Variants in USH2A observed in about 807,000 individuals in gnomAD.
USH2A encodes the protein Usher syndrome 2A (autosomal recessive, mild).
Under a neutral mutation model 538.9 loss-of-function variants are expected in USH2A, and 443 were observed. The ratio of observed to expected loss-of-function variants is 0.82; its 90% CI spans 0.76 to 0.89. The LOEUF (loss-of-function observed/expected upper bound fraction) is 0.89. USH2A is among the 40% of genes least tolerant of loss of function. The pLI, the probability that USH2A is intolerant of heterozygous loss-of-function variation, is 0.00. For missense variants in USH2A, 6,633 were observed against 6,324.8 expected, an observed-to-expected ratio of 1.05 and a Z score of -1.65; for synonymous variants, 2,413 against 2,273.5, an observed-to-expected ratio of 1.06 and a Z score of -1.75.
chr1:216,362,102 G>T (rs1468173819), intron 4 of USH2A, among the ~76,000 whole-genome samples: 2 of 151,754 alleles, frequency 1.3e-5, no homozygotes, highest in Non-Finnish European at 2.9e-5. Context: ...TTATATTTAT[G>T]CACTATCTTG....
At chr1:215,657,628 C>A (rs1390389644) in intron 64 of USH2A, among the ~76,000 whole-genome samples, 2 of 152,188 alleles carry the variant, frequency 1.3e-5, no homozygotes, top group African/African-American at 4.8e-5. Context: ...TTCCCTTCAT[C>A]TAAAACACTT....
chr1:216,119,826 T>G lies in USH2A; in HGVS notation c.4628-22613A>C, dbSNP rs942630827. ...GGTAGCAGGCAATGTTGATATGCTT[T>G]CTTTCTATGGTGCAATTTCATTCTT... is the stretch of plus-strand genomic sequence containing the variant. On this transcript the variant is annotated intron_variant, in intron 21 of 71. Transcript: ENST00000307340. 4.6e-5 allele frequency among the ~76,000 whole-genome samples: 7 copies of G among 152,226 alleles called. No homozygotes were observed. In the South Asian group the frequency reaches 6.2e-4, roughly 14 times the overall value.
At chr1:216,041,863 A>C (rs2102520894) in intron 32 of USH2A, among the ~76,000 whole-genome samples, 1 of 152,140 alleles carries the variant, frequency 6.6e-6, no homozygotes, top group Admixed American at 6.6e-5. Context: ...TTTGTAAAAT[A>C]ATCAAATATT....
At chr1:215,838,968 T>G (rs190642042) in intron 46 of USH2A, among the ~76,000 whole-genome samples, 153 of 152,332 alleles carry the variant, frequency 1.0e-3, no homozygotes, top group Non-Finnish European at 1.9e-3. Context: ...CGAGCTTTTA[T>G]GTGAAACAGT....
At chr1:216,188,437 G>A (rs565390946) in intron 20 of USH2A, among the ~76,000 whole-genome samples, 1 of 151,728 alleles carries the variant, frequency 6.6e-6, no homozygotes, top group East Asian at 1.9e-4. Context: ...AGACACTATT[G>A]CATATGAGGT....
At chr1:216,042,399 A>C (rs11120726) in intron 32 of USH2A, among the ~76,000 whole-genome samples, 73,451 of 151,474 alleles carry the variant, frequency 0.48, 17,875 homozygotes, top group African/African-American at 0.53. Flanking sequence ...TAAACTCTGT[A>C]TTCCACTTCT....
chr1:215,728,482 C>G, intron 60 of USH2A, 98 bp from the exon 61 acceptor site: 1 of 1,224,340 alleles, frequency 8.2e-7, no homozygotes, highest in African/African-American at 1.5e-5. Context: ...TTGTTATCAA[C>G]TTAACTTTTC....
intron 65 of USH2A, 60 bp downstream of exon 65, chr1:215,650,532 G>C (rs1657023443): frequency 1.3e-6 from 2 of 1,594,818 alleles, no homozygotes; most frequent in East Asian, 2.2e-5. Context: ...AAAAACAAAG[G>C]TTTCATAGTA....
Position 216,073,080 on chromosome 1 carries a change from G to A in USH2A, c.5776+17C>T. The A allele has an allele frequency of 1.2e-6, 2 of 1,613,712 alleles. No individual in the cohort carries two copies. The highest frequency in any genetic ancestry group is 1.7e-6 in the Non-Finnish European group (2 of 1,179,872). ...TAAGAGACATGTAACATTTAATTTAGAGGACCTCCACATTACCTGTAAAAG... is the reference window on the plus strand; with the variant it reads ...TAAGAGACATGTAACATTTAATTTAAAGGACCTCCACATTACCTGTAAAAG... On this transcript the variant is annotated intron_variant, in intron 28 of 71. Coordinates refer to ENST00000307340, the MANE Select transcript of USH2A (RefSeq NM_206933.4).
intron 30 of USH2A, among the ~76,000 whole-genome samples, chr1:216,055,196 C>T (rs1043889702): frequency 6.6e-6 from 1 of 152,154 alleles, no homozygotes; most frequent in Non-Finnish European, 1.5e-5. Flanking sequence ...AGGGTTTTCC[C>T]CCATCTCAAG....
chr1:216,135,973 C>G lies in USH2A; in HGVS notation c.4628-38760G>C, dbSNP rs534157898. On this transcript the variant is annotated intron_variant, in intron 21 of 71. Transcript: ENST00000307340. ...ATATATATATATGTATGAAGTCTACCATCTTAAGTATTTTATGTGATTACC... is the reference window on the plus strand; with the variant it reads ...ATATATATATATGTATGAAGTCTACGATCTTAAGTATTTTATGTGATTACC... 7.2e-5 allele frequency among the ~76,000 whole-genome samples: 11 copies of G among 151,770 alleles called. No individual in the cohort carries two copies. The East Asian group carries it at 2.1e-3, about 29-fold the overall frequency.
At chr1:215,786,057 T>A (rs929380051) in intron 52 of USH2A, among the ~76,000 whole-genome samples, 3 of 152,120 alleles carry the variant, frequency 2.0e-5, no homozygotes, top group African/African-American at 7.2e-5. Context: ...GGCAGAACTG[T>A]TTTAGAGATA....
chr1:215,700,654 T>C (rs975005644), intron 61 of USH2A, among the ~76,000 whole-genome samples: 1 of 152,334 alleles, frequency 6.6e-6, no homozygotes, highest in African/African-American at 2.4e-5. Flanking sequence ...AGTAGCGATA[T>C]TCCCTTTGTC....
intron 40 of USH2A, among the ~76,000 whole-genome samples, chr1:215,898,757 A>G (rs1278307258): frequency 1.3e-5 from 2 of 152,212 alleles, no homozygotes; most frequent in Non-Finnish European, 2.9e-5. Context: ...TTCTTCAAAA[A>G]TCTATTTTGA....
At chr1:215,667,912 T>A (rs546862222) in intron 64 of USH2A, among the ~76,000 whole-genome samples, 2 of 152,214 alleles carry the variant, frequency 1.3e-5, no homozygotes, top group Non-Finnish European at 2.9e-5. Context: ...ATGAGTACAA[T>A]GATGTAATGT....
At chr1:216,053,727 A>G (rs1410698822) in intron 30 of USH2A, among the ~76,000 whole-genome samples, 3 of 152,216 alleles carry the variant, frequency 2.0e-5, no homozygotes, top group African/African-American at 7.2e-5. Context: ...CAGCAGGACC[A>G]TAACTCTCAC....
intron 37 of USH2A, among the ~76,000 whole-genome samples, chr1:215,942,935 C>G (rs1216912387): frequency 1.3e-5 from 2 of 152,166 alleles, no homozygotes; most frequent in Non-Finnish European, 2.9e-5. Flanking sequence ...ATAAATGCAG[C>G]AAGTGCTGCC....
At chr1:215,923,357 C>T (rs1666150956) in intron 38 of USH2A, among the ~76,000 whole-genome samples, 1 of 152,100 alleles carries the variant, frequency 6.6e-6, no homozygotes, top group African/African-American at 2.4e-5. Flanking sequence ...CTACCTCCTT[C>T]TCTCATACCC....
intron 71 of USH2A, among the ~76,000 whole-genome samples, chr1:215,626,673 G>A (rs960646778): frequency 6.6e-6 from 1 of 152,216 alleles, no homozygotes; most frequent in African/African-American, 2.4e-5. Flanking sequence ...TGACAATACA[G>A]TATAATAGTT....
Sources: allele counts gnomAD v4.1 joint callset (sites outside exome capture counted in the v4.1 genomes callset), GRCh38; gene constraint gnomAD v4.1.1; transcripts MANE v1.5; gene names NCBI Gene and HGNC (gene_info 2026-07-23, HGNC 2026-07-21).